Variants in DLGAP2 observed in about 807,000 individuals in gnomAD.
DLGAP2 encodes DLG associated protein 2, also known as disks large-associated protein 2.
DLGAP2 carries 26 observed loss-of-function variants against 100.3 expected under a neutral mutation model. That is an observed-to-expected ratio of 0.26 (90% CI 0.19 to 0.36). The LOEUF is 0.36. Ranked by LOEUF, DLGAP2 falls within the 10% of genes least tolerant of loss-of-function variation. The probability of loss-of-function intolerance (pLI) is 1.00; values close to 1 mark genes in which losing one functional copy is unlikely to be tolerated. For synonymous variants in DLGAP2, 886 were observed against 630.1 expected (o/e 1.41, Z -6.08); for missense variants, 1,858 against 1,453.2 (o/e 1.28, Z -4.53).
At chr8:763,847 G>T (rs1364607439) in intron 1 of DLGAP2, among the ~76,000 whole-genome samples, 1 of 152,234 alleles carries the variant, frequency 6.6e-6, no homozygotes, top group Non-Finnish European at 1.5e-5. Context: ...CCTTCTAACT[G>T]CAGTCTTGAC....
At chr8:1,168,418 A>T (rs1797062382) in intron 2 of DLGAP2, among the ~76,000 whole-genome samples, 1 of 151,632 alleles carries the variant, frequency 6.6e-6, no homozygotes, top group Admixed American at 6.6e-5. Context: ...GCTGGGTCAA[A>T]TGGTATTTCT....
chr8:1,176,856 G>A (rs1301369089), intron 2 of DLGAP2, among the ~76,000 whole-genome samples: 1 of 152,140 alleles, frequency 6.6e-6, no homozygotes, highest in Non-Finnish European at 1.5e-5. Flanking sequence ...ACCCTCTCAT[G>A]GAGTAGCAGA....
chr8:1,364,510 G>T (rs546475320), intron 3 of DLGAP2, among the ~76,000 whole-genome samples: 5 of 149,090 alleles, frequency 3.4e-5, no homozygotes, highest in South Asian at 2.1e-4. Context: ...GGCGGGGGGG[G>T]TGCAGCGAAG....
chr8:1,253,869 G>T (rs1454839705), intron 2 of DLGAP2, among the ~76,000 whole-genome samples: 4 of 152,226 alleles, frequency 2.6e-5, no homozygotes, highest in Non-Finnish European at 5.9e-5. Context: ...GGTCCGTGCT[G>T]CTGTGAGTAC....
chr8:1,520,965 C>A (rs1265367310), intron 4 of DLGAP2, among the ~76,000 whole-genome samples: 1 of 152,194 alleles, frequency 6.6e-6, no homozygotes, highest in East Asian at 1.9e-4. Context: ...GCTTTGCACT[C>A]CCACGGGTAA....
intron 10 of DLGAP2, among the ~76,000 whole-genome samples, chr8:1,674,730 A>T (rs548421959): frequency 6.6e-6 from 1 of 152,346 alleles, no homozygotes; most frequent in East Asian, 1.9e-4. Flanking sequence ...AAGTACAGAC[A>T]TGTATTTATA....
intron 2 of DLGAP2, among the ~76,000 whole-genome samples, chr8:1,132,240 GTCTT>G: frequency 6.6e-6 from 1 of 152,186 alleles, no homozygotes; most frequent in East Asian, 1.9e-4. Flanking sequence ...CCTGTAGAGA[GTCTT>G]TATTTTGTTT....
At chr8:1,630,885 C>A (rs191957764) in intron 7 of DLGAP2, among the ~76,000 whole-genome samples, 1 of 139,084 alleles carries the variant, frequency 7.2e-6, no homozygotes, top group South Asian at 2.1e-4. Flanking sequence ...AGGGTCTCGG[C>A]GGGAGGTCCG....
intron 2 of DLGAP2, among the ~76,000 whole-genome samples, chr8:1,136,646 C>T (rs1486050508): frequency 6.6e-6 from 1 of 152,202 alleles, no homozygotes; most frequent in Non-Finnish European, 1.5e-5. Context: ...TCAGTAAAAA[C>T]GTCTTTCTCT....
intron 3 of DLGAP2, among the ~76,000 whole-genome samples, chr8:1,498,170 C>T (rs7006393): frequency 1.3e-5 from 2 of 151,974 alleles, no homozygotes; most frequent in Admixed American, 6.6e-5. Context: ...TCATAGAAAG[C>T]GATGTCTGGG....
chr8:1,214,311 C>T (rs1307778644), intron 2 of DLGAP2, among the ~76,000 whole-genome samples: 1 of 152,186 alleles, frequency 6.6e-6, no homozygotes, highest in Non-Finnish European at 1.5e-5. Context: ...TCACTACCTG[C>T]GGCCCCGCCA....
At chr8:950,168 G>C (rs998867719) in intron 2 of DLGAP2, among the ~76,000 whole-genome samples, 9 of 152,160 alleles carry the variant, frequency 5.9e-5, no homozygotes, top group African/African-American at 1.9e-4. Context: ...GTGACTCGGG[G>C]CTGGGTTTTC....
chr8:937,399 T>A (rs1050160749), intron 2 of DLGAP2, among the ~76,000 whole-genome samples: 5 of 152,172 alleles, frequency 3.3e-5, no homozygotes, highest in South Asian at 2.1e-4. Flanking sequence ...TCCAAAAAAA[T>A]TTTTTTAAGA....
At chr8:949,953 C>T (rs1181027236) in intron 2 of DLGAP2, among the ~76,000 whole-genome samples, 1 of 152,148 alleles carries the variant, frequency 6.6e-6, no homozygotes, top group Non-Finnish European at 1.5e-5. Context: ...TATCTGGGCC[C>T]AGCAGCTTTT....
chr8:1,292,926 C>T (rs930135880), intron 3 of DLGAP2, among the ~76,000 whole-genome samples: 4 of 152,152 alleles, frequency 2.6e-5, no homozygotes, highest in East Asian at 1.9e-4. Context: ...CTCCTAAGCA[C>T]GTGTCCTCCC....
chr8:881,581 C>T (rs1462930964), intron 1 of DLGAP2, among the ~76,000 whole-genome samples: 1 of 144,828 alleles, frequency 6.9e-6, no homozygotes, highest in Non-Finnish European at 1.5e-5. Flanking sequence ...CTCACTGCAA[C>T]CTCCACCTCC....
chr8:1,174,295 CACCACCGTCATT>C (rs201060952), intron 2 of DLGAP2, among the ~76,000 whole-genome samples: 24 of 151,868 alleles, frequency 1.6e-4, no homozygotes, highest in East Asian at 1.4e-3. Flanking sequence ...CCACCATCAT[CACCACCGTCATT>C]ACCATTACCA....
intron 3 of DLGAP2, among the ~76,000 whole-genome samples, chr8:1,349,748 G>A (rs1159255904): frequency 3.3e-5 from 5 of 152,228 alleles, no homozygotes; most frequent in African/African-American, 4.8e-5. Context: ...GTAGGAAGAG[G>A]AAGGATGGTG....
At chr8:1,182,215 C>A (rs550111866) in intron 2 of DLGAP2, among the ~76,000 whole-genome samples, 2 of 152,338 alleles carry the variant, frequency 1.3e-5, no homozygotes, top group African/African-American at 4.8e-5. Flanking sequence ...GCAGAAACCA[C>A]TGTGCGTTCC....
Sources: gnomAD v4.1 joint callset for allele counts (sites outside exome capture counted in the v4.1 genomes callset) on GRCh38, gnomAD v4.1.1 for gene constraint, MANE v1.5 for transcripts, NCBI Gene and HGNC (gene_info 2026-07-23, HGNC 2026-07-21) for gene names.